Variants in GUCY2F observed in about 807,000 individuals in gnomAD.
GUCY2F encodes retinal guanylyl cyclase 2.
In GUCY2F, 61 loss-of-function variants were observed where a neutral mutation model predicts 73.1. The ratio of observed to expected loss-of-function variants is 0.83; its 90% CI spans 0.68 to 1.03. The LOEUF (loss-of-function observed/expected upper bound fraction) is 1.03, where lower values mean the gene tolerates loss of function less well. Among genes scored for constraint, GUCY2F ranks in the 50% least tolerant of loss-of-function variants. GUCY2F has a pLI of 0.00. For synonymous variants in GUCY2F, 331 were observed against 307.8 expected (o/e 1.08, Z -0.79); for missense variants, 912 against 854.3 (o/e 1.07, Z -0.84).
intron 3 of GUCY2F, among the ~76,000 whole-genome samples, chrX:109,459,093 AT>A (rs902857027): frequency 2.7e-4 from 30 of 110,459 alleles, no homozygotes; most frequent in Non-Finnish European, 5.3e-4. Flanking sequence ...TGAAATCAAG[AT>A]TTTTTTTTAC....
chrX:109,393,451 T>C (rs1166497235), intron 12 of GUCY2F, among the ~76,000 whole-genome samples: 1 of 110,902 alleles, frequency 9.0e-6, no homozygotes, highest in Non-Finnish European at 1.9e-5. Flanking sequence ...AAAGTACCAT[T>C]TTACTCTTCT....
At chrX:109,396,988 C>T in intron 11 of GUCY2F, among the ~76,000 whole-genome samples, 1 of 112,311 alleles carries the variant, frequency 8.9e-6, no homozygotes, top group Non-Finnish European at 1.9e-5. Context: ...TTAAGGATCT[C>T]ACAGTCCAAT....
intron 1 of GUCY2F, among the ~76,000 whole-genome samples, chrX:109,481,115 G>A (rs1932763485): frequency 1.1e-5 from 1 of 94,499 alleles, no homozygotes; most frequent in East Asian, 3.9e-4. Context: ...AGGGAGGGAG[G>A]GAGGGAAAGA....
chrX:109,393,793 G>A (rs1214557943), intron 12 of GUCY2F, among the ~76,000 whole-genome samples: 1 of 112,214 alleles, frequency 8.9e-6, no homozygotes, highest in Non-Finnish European at 1.9e-5. Context: ...GAATCATGAG[G>A]GGTAGCCCCT....
At chrX:109,377,231 G>T (rs1433353556) in intron 17 of GUCY2F, among the ~76,000 whole-genome samples, 1 of 111,651 alleles carries the variant, frequency 9.0e-6, no homozygotes, top group African/African-American at 3.3e-5. Flanking sequence ...CTTCTATGAG[G>T]CAAGTAGAAA....
intron 8 of GUCY2F, among the ~76,000 whole-genome samples, chrX:109,424,422 G>C (rs766544602): frequency 3.9e-4 from 43 of 111,612 alleles, no homozygotes; most frequent in Non-Finnish European, 6.8e-4. Context: ...GGGGGAGAGA[G>C]GTGTGAACAG....
At chrX:109,380,054 G>A (rs12397297) in intron 17 of GUCY2F, among the ~76,000 whole-genome samples, 2 of 112,422 alleles carry the variant, frequency 1.8e-5, no homozygotes, top group Admixed American at 1.9e-4. Context: ...CATCAACCTA[G>A]TGGAGGAGAT....
intron 10 of GUCY2F, among the ~76,000 whole-genome samples, chrX:109,399,823 A>G (rs750889183): frequency 9.0e-6 from 1 of 110,703 alleles, no homozygotes; most frequent in African/African-American, 3.3e-5. Flanking sequence ...CCTAGAAAGA[A>G]CAGCATGTGC....
chrX:109,409,047 T>A lies in GUCY2F; in HGVS notation c.1913A>T (p.Gln638Leu). 1.8e-6 allele frequency: 2 copies of A among 1,138,883 alleles called. No individual in the cohort carries two copies. Among genetic ancestry groups the A allele is most frequent in the Middle Eastern group, 4.8e-4 (2 of 4,178 alleles). 93.9% of individuals were successfully genotyped at this position (1,138,883 alleles called of 1,213,427 possible). A position where few individuals can be genotyped will look rare whatever the true frequency, so the allele number is the denominator to read the frequency against. ...RGSLEDILTN[Q>L]DVKLDWMFKS... ...AAACATCCAGTCAAGTTTCACATCT[T>A]GATTTGTCAGTATGTCTTCTAGGCT... is the stretch of plus-strand genomic sequence containing the variant. Residue 638 changes from glutamine (Q) to leucine (L), a missense_variant, in exon 9 of 20, where the codon CAA (glutamine) becomes CTA (leucine). Gln to Leu is a moderately radical substitution (Grantham distance 113). Coordinates refer to ENST00000218006, the MANE Select transcript of GUCY2F (RefSeq NM_001522.3).
Position 109,440,076 on chromosome X carries a change from A to T in GUCY2F, c.1701+1275T>A, listed in dbSNP as rs1407678025. Among the ~76,000 whole-genome samples, 5 of 112,198 alleles carry T rather than the reference A, an allele frequency of 4.5e-5. No homozygotes were observed. In the Admixed American group the frequency reaches 4.7e-4, roughly 11 times the overall value. The stretch of plus-strand genomic sequence containing the variant: ...CTGCTCTGGTACCAATTTCTGTCTT[A>T]GTCTGTTAGTACTGGGTAATTTATA... On this transcript the variant is annotated intron_variant, in intron 7 of 19. Transcript: ENST00000218006.
chrX:109,470,083 A>G (rs1932544130), intron 2 of GUCY2F, among the ~76,000 whole-genome samples: 1 of 111,454 alleles, frequency 9.0e-6, no homozygotes, highest in Non-Finnish European at 1.9e-5. Flanking sequence ...TTTTTTCCAC[A>G]CTCAAACTTG....
At chrX:109,417,817 A>G (rs1016156005) in intron 8 of GUCY2F, among the ~76,000 whole-genome samples, 1 of 111,615 alleles carries the variant, frequency 9.0e-6, no homozygotes, top group African/African-American at 3.2e-5. Flanking sequence ...TCATGCAAAA[A>G]ACTAATTAGC....
intron 7 of GUCY2F, among the ~76,000 whole-genome samples, chrX:109,434,505 A>T (rs1931689971): frequency 9.1e-6 from 1 of 109,775 alleles, no homozygotes; most frequent in African/African-American, 3.3e-5. Context: ...CGGGCACCTT[A>T]TCTGGAAATT....
At chrX:109,375,783 G>C in intron 19 of GUCY2F, 115 bp downstream of exon 19, 1 of 560,869 alleles carries the variant, frequency 1.8e-6, no homozygotes. Flanking sequence ...AAATTCTCCA[G>C]CTCCATCACA....
intron 6 of GUCY2F, among the ~76,000 whole-genome samples, chrX:109,445,609 G>A (rs192908609): frequency 1.8e-5 from 2 of 111,309 alleles, no homozygotes; most frequent in Non-Finnish European, 3.8e-5. Flanking sequence ...GCTGGATTTG[G>A]TTTGGGACAT....
rs779395699 is a variant in GUCY2F, at chrX:109,392,951, A to C, written c.2529T>G (p.Thr843=). The C allele has an allele frequency of 8.5e-7, 1 of 1,177,509 alleles. No individual in the cohort carries two copies. The part of the protein sequence containing the change: ...SNLEDLIRER[T]EELEIEKQKT... The stretch of plus-strand genomic sequence containing the variant: ...TCTGTTTTTCAATTTCCAGCTCTTC[A>C]GTCCGCTCCCGAATCAAATCTTCCA... The change falls in exon 13 of 20, where the codon ACT becomes ACG. Residue 843 remains threonine, a synonymous_variant. Transcript: ENST00000218006.
rs1932671077 is a variant in GUCY2F, at chrX:109,475,492, A to C, written c.445T>G (p.Trp149Gly). 2 of 1,211,371 alleles carry C rather than the reference A, an allele frequency of 1.7e-6. No individual in the cohort carries two copies. Among genetic ancestry groups the C allele is most frequent in the East Asian group, 5.9e-5 (2 of 33,840 alleles). The part of the protein sequence containing the change: ...GNSWDKGIFS[W>G]ACVNYELDNK... ...TCTAATTCATAATTCACACAAGCCCAAGAGAAAATTCCTTTGTCCCAGCTG... is the reference window on the plus strand; with the variant it reads ...TCTAATTCATAATTCACACAAGCCCCAGAGAAAATTCCTTTGTCCCAGCTG... The change falls in exon 2 of 20, where the codon TGG becomes GGG. Residue 149 changes from tryptophan to glycine, a missense_variant. Coordinates refer to ENST00000218006, the MANE Select transcript of GUCY2F (RefSeq NM_001522.3).
chrX:109,406,600 T>C (rs369503595), intron 9 of GUCY2F, among the ~76,000 whole-genome samples: 5 of 110,647 alleles, frequency 4.5e-5, no homozygotes, highest in African/African-American at 1.6e-4. Context: ...GGTAAAAACT[T>C]GGGAAGGAAA....
rs142650415 is a variant in GUCY2F at position 109,462,902 on chromosome X, G to A, written c.1032+2240C>T. ...TGACCGACCATTTTTAGCAATTTGA[G>A]TTTTGCAATTCTTGACTAAACTGAC... On this transcript the variant is annotated intron_variant, in intron 3 of 19. Transcript: ENST00000218006. 2.9e-4 allele frequency among the ~76,000 whole-genome samples: 32 copies of A among 111,832 alleles called. No homozygotes were observed. The East Asian group carries it at 8.7e-3, about 30-fold the overall frequency.
Sources: allele counts gnomAD v4.1 joint callset (sites outside exome capture counted in the v4.1 genomes callset), GRCh38; gene constraint gnomAD v4.1.1; transcripts MANE v1.5; gene names NCBI Gene and HGNC (gene_info 2026-07-23, HGNC 2026-07-21).